The following CTNND2 variants were observed in gnomAD, a reference collection of about 807,000 sequenced individuals.
The protein encoded by CTNND2 is catenin delta-2.
Under a neutral mutation model 144.4 loss-of-function variants are expected in CTNND2, and 22 were observed. The observed-to-expected ratio is 0.15, with a 90% CI of 0.11 to 0.22. The LOEUF is 0.22. CTNND2 is among the 10% of genes least tolerant of loss of function. The pLI, the probability that CTNND2 is intolerant of heterozygous loss-of-function variation, is 1.00. For missense variants in CTNND2, 1,353 were observed against 1,618.8 expected, an observed-to-expected ratio of 0.84 and a Z score of 2.82; for synonymous variants, 751 against 695.6, an observed-to-expected ratio of 1.08 and a Z score of -1.25.
At chr5:11,157,768 A>C (rs1758362140) in intron 12 of CTNND2, among the ~76,000 whole-genome samples, 2 of 152,232 alleles carry the variant, frequency 1.3e-5, no homozygotes, top group Admixed American at 6.5e-5. Flanking sequence ...TGACAAACTG[A>C]ATCAAATGGC....
At chr5:11,641,754 GTACA>G (rs1220325971) in intron 2 of CTNND2, among the ~76,000 whole-genome samples, 1,470 of 123,506 alleles carry the variant, frequency 0.012, 36 homozygotes, top group South Asian at 0.035. Flanking sequence ...ACGTGTGTAT[GTACA>G]TACATATACG....
chr5:11,731,316 T>TTA (rs1787374303), intron 2 of CTNND2, among the ~76,000 whole-genome samples: 2 of 152,324 alleles, frequency 1.3e-5, no homozygotes, highest in South Asian at 4.1e-4. Context: ...TTGAATAGCG[T>TTA]TACTATTCTT....
chr5:11,863,887 T>C (rs1013594133), intron 1 of CTNND2, among the ~76,000 whole-genome samples: 5 of 152,204 alleles, frequency 3.3e-5, no homozygotes, highest in Admixed American at 1.3e-4. Context: ...AAAATAGATA[T>C]AATAGATAAC....
Position 11,476,013 on chromosome 5 carries a change from C to T in CTNND2, c.288-63944G>A, listed in dbSNP as rs1055191180. ...CAGCTGGGACTACAGGTGTGCACCACCATGCCCGGCTAATTTTTCTATTTT... is the reference window on the plus strand; with the variant it reads ...CAGCTGGGACTACAGGTGTGCACCATCATGCCCGGCTAATTTTTCTATTTT... On this transcript the variant is annotated intron_variant, in intron 3 of 21. Transcript: ENST00000304623. Among the ~76,000 whole-genome samples the T allele has an allele frequency of 4.6e-5, 7 of 151,758 alleles. 2 individuals carry two copies. Among genetic ancestry groups the T allele is most frequent in the Admixed American group, 4.6e-4 (7 of 15,268 alleles).
At chr5:11,623,334 GT>G (rs1423860435) in intron 2 of CTNND2, among the ~76,000 whole-genome samples, 24 of 152,094 alleles carry the variant, frequency 1.6e-4, no homozygotes, top group African/African-American at 5.3e-4. Context: ...TATGGGAGTG[GT>G]TTCCCCCATA....
intron 3 of CTNND2, among the ~76,000 whole-genome samples, chr5:11,514,537 A>T (rs989556038): frequency 6.6e-6 from 1 of 152,204 alleles, no homozygotes. Flanking sequence ...TTCATGGGTG[A>T]TCAGCTGTCA....
intron 3 of CTNND2, among the ~76,000 whole-genome samples, chr5:11,477,123 G>C (rs1767818689): frequency 6.6e-6 from 1 of 152,146 alleles, no homozygotes; most frequent in African/African-American, 2.4e-5. Context: ...CAGTTCCATT[G>C]CTTTACGGGC....
chr5:11,640,383 C>A (rs757225616), intron 2 of CTNND2, among the ~76,000 whole-genome samples: 5 of 152,174 alleles, frequency 3.3e-5, no homozygotes, highest in African/African-American at 4.8e-5. Context: ...GACAGCTTTG[C>A]AAAACTGTGA....
chr5:11,322,020 C>T (rs997713160), intron 9 of CTNND2, among the ~76,000 whole-genome samples: 10 of 152,184 alleles, frequency 6.6e-5, no homozygotes, highest in Non-Finnish European at 1.2e-4. Context: ...TGCCACACAA[C>T]GCCTCTGGTG....
chr5:11,343,805 CAT>C (rs1754496002), intron 9 of CTNND2, among the ~76,000 whole-genome samples: 1 of 152,072 alleles, frequency 6.6e-6, no homozygotes, highest in South Asian at 2.1e-4. Flanking sequence ...GTGCTATAAA[CAT>C]ATGTTTATAA....
intron 5 of CTNND2, among the ~76,000 whole-genome samples, chr5:11,401,809 T>G (rs1760674493): frequency 6.6e-6 from 1 of 152,222 alleles, no homozygotes; most frequent in Admixed American, 6.5e-5. Flanking sequence ...ATGTGTGTTC[T>G]TAAGCACACT....
intron 11 of CTNND2, among the ~76,000 whole-genome samples, chr5:11,173,145 A>G (rs1036859085): frequency 3.3e-5 from 5 of 152,258 alleles, no homozygotes; most frequent in Admixed American, 3.3e-4. Context: ...AACTTTGCCC[A>G]CATGCCGAAC....
intron 2 of CTNND2, among the ~76,000 whole-genome samples, chr5:11,703,609 T>C (rs2126676004): frequency 6.6e-6 from 1 of 152,340 alleles, no homozygotes; most frequent in South Asian, 2.1e-4. Context: ...CAGGTACTTC[T>C]TTAGTTATTG....
intron 1 of CTNND2, among the ~76,000 whole-genome samples, chr5:11,838,578 T>A (rs1052711402): frequency 3.9e-5 from 6 of 152,206 alleles, no homozygotes; most frequent in African/African-American, 1.4e-4. Context: ...TTCAAGTAGC[T>A]GACTACTTAA....
intron 2 of CTNND2, among the ~76,000 whole-genome samples, chr5:11,587,043 T>C (rs945255900): frequency 9.2e-5 from 14 of 152,302 alleles, no homozygotes; most frequent in African/African-American, 3.4e-4. Context: ...ATTGCGTTTT[T>C]AAACTCTTTA....
intron 9 of CTNND2, among the ~76,000 whole-genome samples, chr5:11,289,671 G>C (rs1469623292): frequency 6.6e-6 from 1 of 152,106 alleles, no homozygotes; most frequent in African/African-American, 2.4e-5. Context: ...CTGGGCCCAG[G>C]GGACCTTAAT....
chr5:11,301,141 CAAGT>C (rs1749562902), intron 9 of CTNND2, among the ~76,000 whole-genome samples: 1 of 151,944 alleles, frequency 6.6e-6, no homozygotes, highest in Non-Finnish European at 1.5e-5. Context: ...GTCAGCCTCC[CAAGT>C]AGCTGGGATT....
chr5:11,687,511 C>A (rs1020027564), intron 2 of CTNND2, among the ~76,000 whole-genome samples: 141 of 152,364 alleles, frequency 9.3e-4, no homozygotes, highest in African/African-American at 3.3e-3. Context: ...CAAGCTACTA[C>A]ACCTGTTGAA....
At chr5:11,383,923 C>T (rs1350176495) in intron 7 of CTNND2, among the ~76,000 whole-genome samples, 1 of 152,170 alleles carries the variant, frequency 6.6e-6, no homozygotes, top group Non-Finnish European at 1.5e-5. Context: ...GCATAACGAC[C>T]ACAGAAATGT....
Sources: allele counts gnomAD v4.1 joint callset (sites outside exome capture counted in the v4.1 genomes callset), GRCh38; gene constraint gnomAD v4.1.1; transcripts MANE v1.5; gene names NCBI Gene and HGNC (gene_info 2026-07-23, HGNC 2026-07-21).